The following COPG2 variants were observed in gnomAD, a reference collection of about 807,000 sequenced individuals.
The protein encoded by COPG2 is coat protein complex I subunit gamma 2, also known as coatomer subunit gamma-2.
COPG2 carries 37 observed loss-of-function variants against 46.3 expected under a neutral mutation model. The ratio of observed to expected loss-of-function variants is 0.80; its 90% CI spans 0.61 to 1.05. The LOEUF (loss-of-function observed/expected upper bound fraction) is 1.05. Among genes scored for constraint, COPG2 ranks in the 50% least tolerant of loss-of-function variants. The probability of loss-of-function intolerance (pLI) is 0.00; values close to 1 mark genes in which losing one functional copy is unlikely to be tolerated. For synonymous variants in COPG2, 159 were observed against 129.7 expected (o/e 1.23, Z -1.53); for missense variants, 427 against 387.8 (o/e 1.10, Z -0.85).
chr7:130,666,732 A>G, intron 3 of COPG2, 117 bp downstream of exon 3: 1 of 616,654 alleles, frequency 1.6e-6, no homozygotes, highest in Non-Finnish European at 2.8e-6. Context: ...AACGTTGTAT[A>G]TGTTAAAATT....
At chr7:130,651,494 A>ATTTTTTTTTTTTTTTTT (rs59572019) in intron 5 of COPG2, among the ~76,000 whole-genome samples, 2 of 57,242 alleles carry the variant, frequency 3.5e-5, no homozygotes, top group South Asian at 7.6e-4. Flanking sequence ...ATTTTTTTGT[A>ATTTTTTTTTTTTTTTTT]TTTTTTTTTT....
intron 20 of COPG2, among the ~76,000 whole-genome samples, chr7:130,544,766 G>C (rs1487357998): frequency 3.3e-5 from 5 of 152,076 alleles, no homozygotes; most frequent in African/African-American, 1.2e-4. Flanking sequence ...TGCCTTAAAG[G>C]CTTTTCTAAA....
intron 5 of COPG2, among the ~76,000 whole-genome samples, chr7:130,644,782 C>A (rs1554457841): frequency 6.6e-6 from 1 of 152,172 alleles, no homozygotes; most frequent in South Asian, 2.1e-4. Context: ...GAAATGCTGG[C>A]CGGGCGCAGT....
At chr7:130,523,498 GGGGAA>G (rs1799745009) in intron 20 of COPG2, among the ~76,000 whole-genome samples, 1 of 152,212 alleles carries the variant, frequency 6.6e-6, no homozygotes, top group African/African-American at 2.4e-5. Flanking sequence ...TGGAGTGCGA[GGGGAA>G]GACGCACGTG....
intron 9 of COPG2, among the ~76,000 whole-genome samples, chr7:130,569,465 G>T (rs1793858030): frequency 6.6e-6 from 1 of 152,020 alleles, no homozygotes; most frequent in Admixed American, 6.5e-5. Context: ...AGAGGTGATG[G>T]ATAAATTCCT....
At chr7:130,611,366 C>A (rs1171689106) in intron 8 of COPG2, among the ~76,000 whole-genome samples, 1 of 152,176 alleles carries the variant, frequency 6.6e-6, no homozygotes, top group Non-Finnish European at 1.5e-5. Context: ...ATGGCTCTAG[C>A]AGGCTCAACA....
rs577316384 is a variant in COPG2 at position 130,635,897 on chromosome 7, C to T, written c.323+16972G>A. Among the ~76,000 whole-genome samples the T allele has an allele frequency of 5.9e-5, 9 of 152,218 alleles. No homozygotes were observed. In the South Asian group the frequency reaches 6.2e-4, roughly 11 times the overall value. On this transcript the variant is annotated intron_variant, in intron 5 of 23. Transcript: ENST00000425248. ...TAGCTGTGTCCCAGAGATTATGTTA[C>T]GTTGTATCTTTGATCTGATTGGTTT...
intron 5 of COPG2, among the ~76,000 whole-genome samples, chr7:130,647,436 C>G (rs78020815): frequency 0.021 from 3,208 of 152,226 alleles, 89 homozygotes; most frequent in African/African-American, 0.065. Context: ...GAAGAACCCT[C>G]ATAAGGCTGT....
At position 130,577,904 on chromosome 7, in the gene COPG2, G is replaced by A. The variant is rs562315069; in HGVS notation, c.738-13511C>T. Among the ~76,000 whole-genome samples the A allele has an allele frequency of 2.7e-3, 409 of 152,000 alleles. 1 individual carries two copies. The highest frequency in any genetic ancestry group is 9.3e-3 in the African/African-American group (387 of 41,526). On this transcript the variant is annotated intron_variant, in intron 9 of 23. Transcript: ENST00000425248. ...GCAGTCTGAGATCAAACTGCAAGGCGGCAGCGAGGCTGGGGGAGGGGCGCC... is the reference window on the plus strand; with the variant it reads ...GCAGTCTGAGATCAAACTGCAAGGCAGCAGCGAGGCTGGGGGAGGGGCGCC...
chr7:130,565,055 A>C (rs1793780755), intron 9 of COPG2, among the ~76,000 whole-genome samples: 1 of 152,234 alleles, frequency 6.6e-6, no homozygotes, highest in Admixed American at 6.5e-5. Context: ...AGATGTCCTT[A>C]GGGGGCTTTG....
intron 9 of COPG2, among the ~76,000 whole-genome samples, chr7:130,607,189 C>A (rs1794749014): frequency 6.6e-6 from 1 of 151,724 alleles, no homozygotes; most frequent in Non-Finnish European, 1.5e-5. Flanking sequence ...TGCAGTGAGC[C>A]AGGATCACGC....
intron 4 of COPG2, among the ~76,000 whole-genome samples, chr7:130,662,031 A>G (rs62473531): frequency 0.19 from 29,307 of 152,120 alleles, 2,989 homozygotes; most frequent in Middle Eastern, 0.25. Context: ...GGGGCCCTGA[A>G]AAGTAGAATG....
intron 3 of COPG2, among the ~76,000 whole-genome samples, chr7:130,664,337 T>A (rs1554461149): frequency 2.0e-5 from 3 of 152,200 alleles, no homozygotes; most frequent in Non-Finnish European, 4.4e-5. Flanking sequence ...AAAGACAAAG[T>A]ACAATAAGTT....
At chr7:130,667,613 G>A (rs1796114620) in intron 1 of COPG2, 79 bp from the exon 2 acceptor site, 1 of 1,120,040 alleles carries the variant, frequency 8.9e-7, no homozygotes, top group Admixed American at 1.8e-5. Context: ...GAAGGGTACT[G>A]AATGCTTGGG....
At chr7:130,557,273 A>ATTTAGAAATAAGCAT in intron 12 of COPG2, among the ~76,000 whole-genome samples, 1 of 152,228 alleles carries the variant, frequency 6.6e-6, no homozygotes, top group South Asian at 2.1e-4. Context: ...AAGGTAAGTT[A>ATTTAGAAATAAGCAT]TTTAGAAATA....
chr7:130,601,985 T>A (rs1794642615), intron 9 of COPG2, among the ~76,000 whole-genome samples: 1 of 152,126 alleles, frequency 6.6e-6, no homozygotes, highest in Non-Finnish European at 1.5e-5. Context: ...AACAACTATA[T>A]AAGTAAAATT....
intron 20 of COPG2, among the ~76,000 whole-genome samples, chr7:130,542,007 A>G (rs1793337890): frequency 8.0e-6 from 1 of 125,196 alleles, no homozygotes; most frequent in Non-Finnish European, 1.6e-5. Flanking sequence ...GTGAGTTTGC[A>G]GCATATGGGA....
intron 9 of COPG2, chr7:130,610,151 A>G: frequency 1.9e-6 from 1 of 515,296 alleles, no homozygotes; most frequent in Admixed American, 2.0e-5. Context: ...CACTGCTTAT[A>G]AAGGTGCAGT....
intron 12 of COPG2, among the ~76,000 whole-genome samples, chr7:130,556,299 T>G (rs1414824283): frequency 6.6e-6 from 1 of 152,176 alleles, no homozygotes; most frequent in African/African-American, 2.4e-5. Context: ...ATCTTCCCTT[T>G]CCTTTAGAGG....
Sources: allele counts gnomAD v4.1 joint callset (sites outside exome capture counted in the v4.1 genomes callset), GRCh38; gene constraint gnomAD v4.1.1; transcripts MANE v1.5; gene names NCBI Gene and HGNC (gene_info 2026-07-23, HGNC 2026-07-21).